Variants in DNAH11 observed in about 807,000 individuals in gnomAD.
DNAH11 encodes the protein dynein axonemal heavy chain 11.
A neutral mutation model predicts 526.0 loss-of-function variants in DNAH11; 442 were observed. The ratio of observed to expected loss-of-function variants is 0.84; its 90% CI spans 0.78 to 0.91. The LOEUF (loss-of-function observed/expected upper bound fraction) is 0.91, where lower values mean the gene tolerates loss of function less well. DNAH11 is among the 40% of genes least tolerant of loss of function. DNAH11 has a pLI of 0.00. For synonymous variants in DNAH11, 2,461 were observed against 1,935.9 expected (o/e 1.27, Z -7.12); for missense variants, 6,989 against 5,448.7 (o/e 1.28, Z -8.90).
chr7:21,551,441 G>A (rs886832207), intron 2 of DNAH11, among the ~76,000 whole-genome samples: 3 of 152,122 alleles, frequency 2.0e-5, no homozygotes, highest in Non-Finnish European at 4.4e-5. Context: ...CCTTTCCGCT[G>A]CTATTTATTA....
chr7:21,891,658 C>A (rs1341467297), intron 76 of DNAH11, among the ~76,000 whole-genome samples: 1 of 152,118 alleles, frequency 6.6e-6, no homozygotes, highest in African/African-American at 2.4e-5. Context: ...TACCCTCTTG[C>A]CCCAGCCTTA....
At chr7:21,727,690 G>A (rs1358887349) in intron 45 of DNAH11, among the ~76,000 whole-genome samples, 1 of 152,138 alleles carries the variant, frequency 6.6e-6, no homozygotes, top group Admixed American at 6.6e-5. Flanking sequence ...TGTATGAGTG[G>A]CATATAGGTG....
At chr7:21,823,874 A>G (rs183195351) in intron 65 of DNAH11, among the ~76,000 whole-genome samples, 1 of 152,306 alleles carries the variant, frequency 6.6e-6, no homozygotes, top group East Asian at 1.9e-4. Context: ...GAGACAAGGA[A>G]CACCAAAGAT....
chr7:21,663,146 G>T (rs1219808506), intron 30 of DNAH11, among the ~76,000 whole-genome samples: 1 of 152,070 alleles, frequency 6.6e-6, no homozygotes, highest in African/African-American at 2.4e-5. Flanking sequence ...TGCTACAAAA[G>T]ACATGATTTT....
intron 54 of DNAH11, among the ~76,000 whole-genome samples, chr7:21,758,763 T>C (rs1786751647): frequency 6.6e-6 from 1 of 152,226 alleles, no homozygotes; most frequent in South Asian, 2.1e-4. Context: ...AGTAAGAACA[T>C]CACTGTACGT....
At chr7:21,738,651 G>C in intron 46 of DNAH11, 50 bp from the exon 47 acceptor site, 3 of 1,488,904 alleles carry the variant, frequency 2.0e-6, no homozygotes, top group African/African-American at 1.4e-5. Flanking sequence ...ATGACTAAAT[G>C]AACATTTACA....
intron 57 of DNAH11, among the ~76,000 whole-genome samples, chr7:21,780,174 T>C (rs1395574756): frequency 2.6e-5 from 4 of 152,180 alleles, no homozygotes; most frequent in Non-Finnish European, 5.9e-5. Flanking sequence ...TGGCATGCCC[T>C]ATGTGATCAG....
At chr7:21,592,310 A>G (rs1784717809) in intron 14 of DNAH11, among the ~76,000 whole-genome samples, 1 of 152,192 alleles carries the variant, frequency 6.6e-6, no homozygotes, top group Non-Finnish European at 1.5e-5. Context: ...CTTTCCTAAG[A>G]TAGTATTTCT....
At chr7:21,636,532 C>G (rs1359175746) in intron 26 of DNAH11, among the ~76,000 whole-genome samples, 1 of 151,858 alleles carries the variant, frequency 6.6e-6, no homozygotes, top group African/African-American at 2.4e-5. Flanking sequence ...GCCAGGAGTT[C>G]GAGACAAGCC....
At chr7:21,675,752 C>T (rs1782852475) in intron 30 of DNAH11, among the ~76,000 whole-genome samples, 1 of 152,068 alleles carries the variant, frequency 6.6e-6, no homozygotes, top group Non-Finnish European at 1.5e-5. Flanking sequence ...GAGAACATAA[C>T]ACAGAATGAG....
intron 25 of DNAH11, among the ~76,000 whole-genome samples, chr7:21,623,040 A>C (rs1208765580): frequency 2.6e-5 from 4 of 151,950 alleles, no homozygotes; most frequent in South Asian, 2.1e-4. Flanking sequence ...CAACCTACAA[A>C]ATGGGAGAAA....
At chr7:21,660,388 C>T (rs1282920524) in intron 30 of DNAH11, among the ~76,000 whole-genome samples, 1 of 151,918 alleles carries the variant, frequency 6.6e-6, no homozygotes, top group Non-Finnish European at 1.5e-5. Flanking sequence ...CATATTCCTA[C>T]TTATTTTACT....
At chr7:21,864,129 A>G (rs1336683073) in intron 69 of DNAH11, among the ~76,000 whole-genome samples, 2 of 152,230 alleles carry the variant, frequency 1.3e-5, no homozygotes, top group Non-Finnish European at 2.9e-5. Context: ...TTGAATAACT[A>G]CTATACCAGA....
intron 74 of DNAH11, among the ~76,000 whole-genome samples, chr7:21,874,334 T>TTTTTG (rs374414081): frequency 0.15 from 22,123 of 151,256 alleles, 2,228 homozygotes; most frequent in African/African-American, 0.29. Context: ...CATGGTTTTT[T>TTTTTG]TTTGTTTTTG....
rs531803150 is a variant in DNAH11 at position 21,700,189 on chromosome 7, C to G, written c.6180+1976C>G. Among the ~76,000 whole-genome samples, 28 of 152,292 alleles carry G rather than the reference C, an allele frequency of 1.8e-4. No individual in the cohort carries two copies. The South Asian group carries it at 5.4e-3, about 29-fold the overall frequency. Reference sequence around the variant, plus strand: ...ACTTCAGTTCTAATTCTGTCTAGGACACACCTGTAGCCAATTACAAGAGGA... The same window carrying G: ...ACTTCAGTTCTAATTCTGTCTAGGAGACACCTGTAGCCAATTACAAGAGGA... On this transcript the variant is annotated intron_variant, in intron 36 of 81. Transcript: ENST00000409508.
At chr7:21,572,782 T>C (rs1023300356) in intron 8 of DNAH11, among the ~76,000 whole-genome samples, 8 of 152,294 alleles carry the variant, frequency 5.3e-5, no homozygotes, top group South Asian at 2.1e-4. Context: ...TTTTGGAAAG[T>C]GGAGTTAATG....
At chr7:21,719,463 T>G (rs1784792209) in intron 43 of DNAH11, among the ~76,000 whole-genome samples, 1 of 152,224 alleles carries the variant, frequency 6.6e-6, no homozygotes, top group South Asian at 2.1e-4. Context: ...CGTATTCGTG[T>G]GTTCATCTCA....
rs12667319 is a variant in DNAH11, at chr7:21,565,766, G to A, written c.1194+1369G>A. Reference sequence around the variant, plus strand: ...AGATAACCTAAGTGAAATGCCCAGCGTAGTGCTCGGTGTTTAATCGAGGCT... The same window carrying A: ...AGATAACCTAAGTGAAATGCCCAGCATAGTGCTCGGTGTTTAATCGAGGCT... On this transcript the variant is annotated intron_variant, in intron 6 of 81. Coordinates refer to ENST00000409508, the MANE Select transcript of DNAH11 (RefSeq NM_001277115.2). 6.2e-3 allele frequency among the ~76,000 whole-genome samples: 947 copies of A among 152,302 alleles called. 40 individuals carry two copies. The East Asian group carries it at 0.1, about 17-fold the overall frequency.
chr7:21,602,131 G>A (rs1214621626), intron 18 of DNAH11, among the ~76,000 whole-genome samples: 1 of 151,874 alleles, frequency 6.6e-6, no homozygotes, highest in Non-Finnish European at 1.5e-5. Flanking sequence ...CCTGAGGTTC[G>A]GAGTTCAAGA....
Sources: gnomAD v4.1 joint callset for allele counts (sites outside exome capture counted in the v4.1 genomes callset) on GRCh38, gnomAD v4.1.1 for gene constraint, MANE v1.5 for transcripts, NCBI Gene and HGNC (gene_info 2026-07-23, HGNC 2026-07-21) for gene names.